FAAH2: variants seen among roughly 807,000 people sequenced by gnomAD.
The protein encoded by FAAH2 is fatty acid amide hydrolase 2.
Under a neutral mutation model 36.9 loss-of-function variants are expected in FAAH2, and 60 were observed. The ratio of observed to expected loss-of-function variants is 1.63; its 90% confidence interval spans 1.32 to 2.02. The LOEUF is 2.02. Ranked by LOEUF, FAAH2 falls within the 30% of genes most tolerant of loss-of-function variation. The pLI, the probability that FAAH2 is intolerant of heterozygous loss-of-function variation, is 0.00. For synonymous variants in FAAH2, 214 were observed against 143.8 expected, an observed-to-expected ratio of 1.49 and a Z score of -3.49; for missense variants, 689 against 397.5, an observed-to-expected ratio of 1.73 and a Z score of -6.23.
chrX:57,302,520 G>T, intron 2 of FAAH2, among the ~76,000 whole-genome samples: 1 of 111,179 alleles, frequency 9.0e-6, no homozygotes, highest in Non-Finnish European at 1.9e-5. Context: ...AGTGGAATTA[G>T]TGCTCTGATA....
the FAAH2 span, among the ~76,000 whole-genome samples, chrX:57,191,089 G>T: frequency 9.0e-6 from 1 of 111,271 alleles, no homozygotes; most frequent in African/African-American, 3.3e-5. Context: ...GGTTTTACTG[G>T]TTTACATTCC....
At chrX:57,292,621 T>G (rs751803405) in intron 2 of FAAH2, 41 bp downstream of exon 2, 1 of 1,098,592 alleles carries the variant, frequency 9.1e-7, no homozygotes, top group African/African-American at 1.8e-5. Context: ...TTATGGTGGT[T>G]TTTGTTCTAC....
intron 5 of FAAH2, among the ~76,000 whole-genome samples, chrX:57,372,865 C>A (rs926878748): frequency 1.8e-5 from 2 of 109,763 alleles, no homozygotes. Flanking sequence ...GATTTTTATC[C>A]CTCACCCTCC....
intron 7 of FAAH2, among the ~76,000 whole-genome samples, chrX:57,401,950 G>T (rs1048047365): frequency 9.0e-6 from 1 of 111,454 alleles, no homozygotes; most frequent in African/African-American, 3.3e-5. Context: ...CAACTTAGTG[G>T]CTGGGAGAAG....
intron 5 of FAAH2, among the ~76,000 whole-genome samples, chrX:57,343,495 G>A (rs1199812866): frequency 9.0e-6 from 1 of 111,166 alleles, no homozygotes; most frequent in Non-Finnish European, 1.9e-5. Flanking sequence ...ATTTCTTTAA[G>A]TGCCTTATAG....
the FAAH2 span, among the ~76,000 whole-genome samples, chrX:57,123,838 T>G: frequency 8.9e-6 from 1 of 112,185 alleles, no homozygotes; most frequent in Non-Finnish European, 1.9e-5. Flanking sequence ...TTGCCCACTT[T>G]TTGATGGGGT....
intron 5 of FAAH2, among the ~76,000 whole-genome samples, chrX:57,361,706 G>A (rs2054290219): frequency 9.0e-6 from 1 of 111,137 alleles, no homozygotes; most frequent in Non-Finnish European, 1.9e-5. Context: ...AGCCCAATAT[G>A]TGTTCTCTCT....
At chrX:57,314,706 TACAAAAAA>T (rs2052788336) in intron 3 of FAAH2, among the ~76,000 whole-genome samples, 1 of 109,546 alleles carries the variant, frequency 9.1e-6, no homozygotes, top group Non-Finnish European at 1.9e-5. Context: ...AAGGCAGAAA[TACAAAAAA>T]ACAAAAAAAA....
chrX:57,453,409 G>A (rs2056817589), intron 10 of FAAH2, among the ~76,000 whole-genome samples: 1 of 112,527 alleles, frequency 8.9e-6, no homozygotes, highest in Non-Finnish European at 1.9e-5. Context: ...AGAGCTTCCA[G>A]CCCAGCAGTT....
intron 10 of FAAH2, among the ~76,000 whole-genome samples, chrX:57,470,588 A>T (rs2147246437): frequency 9.0e-6 from 1 of 111,399 alleles, no homozygotes; most frequent in South Asian, 3.8e-4. Flanking sequence ...CAGGCTCTGA[A>T]ATTGAGGCAA....
At chrX:57,268,742 A>C in the FAAH2 span, among the ~76,000 whole-genome samples, 84 of 111,558 alleles carry the variant, frequency 7.5e-4, 1 homozygote, top group Non-Finnish European at 3.4e-4. Flanking sequence ...TTCTTTTCTC[A>C]CTAAATATGG....
chrX:57,159,024 G>C, the FAAH2 span, among the ~76,000 whole-genome samples: 1 of 112,060 alleles, frequency 8.9e-6, no homozygotes, highest in African/African-American at 3.2e-5. Flanking sequence ...TTTCGTATAA[G>C]GTGTAAGGGA....
At chrX:57,333,599 TA>T (rs60693418) in intron 4 of FAAH2, among the ~76,000 whole-genome samples, 3 of 104,431 alleles carry the variant, frequency 2.9e-5, no homozygotes, top group African/African-American at 1.0e-4. Context: ...ATGCTAGAAA[TA>T]AAAAAAAAAT....
At chrX:57,307,575 T>C (rs1438402094) in intron 2 of FAAH2, among the ~76,000 whole-genome samples, 2 of 111,660 alleles carry the variant, frequency 1.8e-5, no homozygotes, top group Non-Finnish European at 3.8e-5. Flanking sequence ...ATAGTACATA[T>C]TATTTAACTA....
the FAAH2 span, among the ~76,000 whole-genome samples, chrX:57,265,110 G>A: frequency 8.1e-5 from 9 of 111,202 alleles, no homozygotes; most frequent in Non-Finnish European, 1.1e-4. Context: ...GCAAACTTTG[G>A]GTCAGGTGGT....
At chrX:57,284,325 G>T (rs1393841661), upstream of FAAH2, among the ~76,000 whole-genome samples, 1 of 111,635 alleles carries the variant, frequency 9.0e-6, no homozygotes, top group Non-Finnish European at 1.9e-5. Context: ...AATGAGCCAA[G>T]ATGGTGCCAC....
intron 3 of FAAH2, among the ~76,000 whole-genome samples, chrX:57,314,312 CA>C (rs1355190725): frequency 1.8e-5 from 2 of 111,144 alleles, no homozygotes; most frequent in African/African-American, 6.5e-5. Flanking sequence ...ACCCCACTGA[CA>C]GTGTTAGACA....
chrX:57,140,847 A>G, the FAAH2 span, among the ~76,000 whole-genome samples: 1 of 111,477 alleles, frequency 9.0e-6, no homozygotes, highest in African/African-American at 3.3e-5. Context: ...GGAAGAGAGG[A>G]ATGATTGAAA....
chrX:57,317,253 T>G (rs193159739), intron 3 of FAAH2, among the ~76,000 whole-genome samples: 129 of 112,508 alleles, frequency 1.1e-3, no homozygotes, highest in African/African-American at 3.9e-3. Context: ...CCCATTAGTC[T>G]GCTGTATTCA....
Sources: allele counts gnomAD v4.1 joint callset (sites outside exome capture counted in the v4.1 genomes callset), GRCh38; gene constraint gnomAD v4.1.1; transcripts MANE v1.5; gene names NCBI Gene and HGNC (gene_info 2026-07-23, HGNC 2026-07-21).